The following SMG6 variants were observed in gnomAD, a reference collection of about 807,000 sequenced individuals.
The protein encoded by SMG6 is SMG6 nonsense mediated mRNA decay factor.
In SMG6, 66 loss-of-function variants were observed where a neutral mutation model predicts 142.2. The ratio of observed to expected loss-of-function variants is 0.46; its 90% CI spans 0.38 to 0.57. SMG6 has a LOEUF of 0.57. Ranked by LOEUF, SMG6 falls within the 20% of genes least tolerant of loss-of-function variation. The pLI, the probability that SMG6 is intolerant of heterozygous loss-of-function variation, is 0.00. For missense variants in SMG6, 1,793 were observed against 1,832.0 expected, an observed-to-expected ratio of 0.98 and a Z score of 0.39; for synonymous variants, 779 against 702.4, an observed-to-expected ratio of 1.11 and a Z score of -1.72.
chr17:2,303,734 G>A lies in SMG6; in HGVS notation c.-14C>T, dbSNP rs766541175. 46 of 1,489,388 alleles carry A rather than the reference G, an allele frequency of 3.1e-5. No homozygotes were observed. In the Admixed American group the frequency reaches 3.4e-4, roughly 11 times the overall value. The allele number at this position is 1,489,388 out of a possible 1,614,324, so 92.3% of individuals were successfully genotyped here. On this transcript the variant is annotated 5_prime_UTR_variant, in exon 1 of 19. Transcript: ENST00000263073. Reference sequence around the variant, plus strand: ...CCCTTCCGCCATCTTCGCGGCTGCTGCTACAGCCGTAGCGGCTCCGCCACC... The same window carrying A: ...CCCTTCCGCCATCTTCGCGGCTGCTACTACAGCCGTAGCGGCTCCGCCACC...
intron 8 of SMG6, chr17:2,256,207 G>GAA: frequency 7.1e-6 from 1 of 141,148 alleles, no homozygotes; most frequent in Non-Finnish European, 1.5e-5. Flanking sequence ...TAAATAAGAA[G>GAA]AAAAAAAAAA....
rs192826203 is a variant in SMG6, at chr17:2,191,864, G to A, written c.2870-3349C>T. On this transcript the variant is annotated intron_variant, in intron 10 of 18. Coordinates refer to ENST00000263073, the MANE Select transcript of SMG6 (RefSeq NM_017575.5). ...CATGAAATCAGGAAATGGAGCGGCCGGGAGAAGGCTGCCATGTGGCCGGAT... is the reference window on the plus strand; with the variant it reads ...CATGAAATCAGGAAATGGAGCGGCCAGGAGAAGGCTGCCATGTGGCCGGAT... 5.3e-4 allele frequency among the ~76,000 whole-genome samples: 80 copies of A among 152,328 alleles called. No individual in the cohort carries two copies. The Middle Eastern group carries it at 0.01, about 19-fold the overall frequency.
chr17:2,087,780 G>A lies in SMG6; in HGVS notation c.3358-1879C>T, dbSNP rs761503611. On this transcript the variant is annotated intron_variant, in intron 13 of 18. Transcript: ENST00000263073. ...TGAGTAATAGCCTGGCAGGCAGCAC[G>A]CACAGTGGCCTCCCTGCATCTCCAG... 7 of 985,872 alleles carry A rather than the reference G, an allele frequency of 7.1e-6. No individual in the cohort carries two copies. The South Asian group carries it at 1.4e-4, about 20-fold the overall frequency. 61.1% of individuals were successfully genotyped at this position (985,872 alleles called of 1,614,324 possible). A position where few individuals can be genotyped will look rare whatever the true frequency, so the allele number is the denominator to read the frequency against.
chr17:2,285,218 T>C (rs2074878038), intron 6 of SMG6, among the ~76,000 whole-genome samples: 1 of 152,190 alleles, frequency 6.6e-6, no homozygotes, highest in African/African-American at 2.4e-5. Context: ...AAAGCACTAC[T>C]GTACACGTGT....
chr17:2,251,399 G>A (rs1005520587), intron 8 of SMG6, among the ~76,000 whole-genome samples: 8 of 152,054 alleles, frequency 5.3e-5, no homozygotes, highest in African/African-American at 1.4e-4. Flanking sequence ...AGGTAGAACC[G>A]GGATGGCAAC....
At chr17:2,272,705 G>A (rs781209624) in intron 8 of SMG6, among the ~76,000 whole-genome samples, 30 of 152,126 alleles carry the variant, frequency 2.0e-4, no homozygotes, top group Non-Finnish European at 3.1e-4. Flanking sequence ...TTGGGAGGCC[G>A]AGGCAGGCGG....
At chr17:2,175,590 C>CT (rs5818848) in intron 12 of SMG6, among the ~76,000 whole-genome samples, 28,617 of 152,054 alleles carry the variant, frequency 0.19, 3,412 homozygotes, top group African/African-American at 0.34. Context: ...CCACATACGC[C>CT]TTTTTGCCCA....
At chr17:2,202,028 GAA>G (rs58808149) in intron 10 of SMG6, among the ~76,000 whole-genome samples, 3 of 148,678 alleles carry the variant, frequency 2.0e-5, no homozygotes, top group African/African-American at 7.4e-5. Flanking sequence ...CATCTCAAAG[GAA>G]AAAAAAAAGT....
chr17:2,166,040 C>T (rs1238857184), intron 13 of SMG6, among the ~76,000 whole-genome samples: 1 of 152,050 alleles, frequency 6.6e-6, no homozygotes, highest in Non-Finnish European at 1.5e-5. Flanking sequence ...AGCAAAACCC[C>T]GTCTCTACTA....
intron 13 of SMG6, chr17:2,087,665 C>A (rs3744274): frequency 0.67 from 660,478 of 991,798 alleles, 220,750 homozygotes; most frequent in East Asian, 0.93. Context: ...GCAGGTAAGC[C>A]TGGTTCCATT....
At chr17:2,190,368 A>C (rs1184448811) in intron 10 of SMG6, among the ~76,000 whole-genome samples, 1 of 152,204 alleles carries the variant, frequency 6.6e-6, no homozygotes, top group African/African-American at 2.4e-5. Context: ...GAAGGCTAGA[A>C]GGGATGGAGG....
At chr17:2,122,467 T>A (rs746250656) in intron 13 of SMG6, 1 of 152,180 alleles carries the variant, frequency 6.6e-6, no homozygotes, top group Non-Finnish European at 1.5e-5. Flanking sequence ...GGTTTTGCCA[T>A]GTAAAAGAAG....
At chr17:2,285,206 G>A (rs1340914675) in intron 6 of SMG6, among the ~76,000 whole-genome samples, 5 of 151,866 alleles carry the variant, frequency 3.3e-5, no homozygotes, top group African/African-American at 1.2e-4. Flanking sequence ...CTGGCACCTA[G>A]AAAAGCACTA....
intron 10 of SMG6, among the ~76,000 whole-genome samples, chr17:2,217,963 T>C (rs1203121324): frequency 6.6e-6 from 1 of 151,722 alleles, no homozygotes; most frequent in Non-Finnish European, 1.5e-5. Context: ...TGAGCTGAGA[T>C]TGTGCCACCA....
intron 8 of SMG6, among the ~76,000 whole-genome samples, chr17:2,245,934 C>T (rs12945851): frequency 0.096 from 14,673 of 152,264 alleles, 1,365 homozygotes; most frequent in East Asian, 0.52. Context: ...CCTGCCTCAG[C>T]CTCTCAAAGT....
At chr17:2,157,865 G>T (rs2151617057) in intron 13 of SMG6, among the ~76,000 whole-genome samples, 1 of 152,258 alleles carries the variant, frequency 6.6e-6, no homozygotes, top group South Asian at 2.1e-4. Flanking sequence ...AACCAGCTGG[G>T]TATTGCAATG....
intron 6 of SMG6, among the ~76,000 whole-genome samples, chr17:2,291,082 A>AGCACTTTG (rs1159329486): frequency 6.6e-6 from 1 of 152,216 alleles, no homozygotes; most frequent in Non-Finnish European, 1.5e-5. Context: ...CTGTAATCCC[A>AGCACTTTG]GCACTTTGGG....
At chr17:2,254,116 C>A (rs184770963) in intron 8 of SMG6, among the ~76,000 whole-genome samples, 20 of 152,336 alleles carry the variant, frequency 1.3e-4, no homozygotes, top group African/African-American at 4.8e-4. Flanking sequence ...CACTGTTGCT[C>A]TGACTGAGTT....
At chr17:2,285,282 A>G (rs1023544890) in intron 6 of SMG6, among the ~76,000 whole-genome samples, 5 of 152,204 alleles carry the variant, frequency 3.3e-5, no homozygotes, top group Admixed American at 3.3e-4. Context: ...AGAATGACTG[A>G]CTGATTGGAA....
Sources: gnomAD v4.1 joint callset for allele counts (sites outside exome capture counted in the v4.1 genomes callset) on GRCh38, gnomAD v4.1.1 for gene constraint, MANE v1.5 for transcripts, NCBI Gene and HGNC (gene_info 2026-07-23, HGNC 2026-07-21) for gene names.